The following CD34 variants were observed in gnomAD, a reference collection of about 807,000 sequenced individuals.
CD34 encodes the protein CD34 molecule, also known as hematopoietic progenitor cell antigen CD34.
In CD34, 34 loss-of-function variants were observed where a neutral mutation model predicts 40.1. The ratio of observed to expected loss-of-function variants is 0.85; its 90% confidence interval spans 0.65 to 1.13. The LOEUF is 1.13. CD34 is among the 50% of genes most tolerant of loss of function. The probability of loss-of-function intolerance (pLI) is 0.00; values close to 1 mark genes in which losing one functional copy is unlikely to be tolerated. For missense variants in CD34, 426 were observed against 466.9 expected (o/e 0.91, Z 0.81); for synonymous variants, 209 against 190.0 (o/e 1.10, Z -0.82).
intron 1 of CD34, among the ~76,000 whole-genome samples, chr1:207,908,378 C>T (rs1662430795): frequency 6.6e-6 from 1 of 152,250 alleles, no homozygotes; most frequent in African/African-American, 2.4e-5. Flanking sequence ...CTGGGGACCA[C>T]TGAATTAGTC....
At chr1:207,896,187 A>G (rs773576152) in intron 4 of CD34, among the ~76,000 whole-genome samples, 1 of 152,244 alleles carries the variant, frequency 6.6e-6, no homozygotes, top group Non-Finnish European at 1.5e-5. Flanking sequence ...TGATTCCCTT[A>G]GATGGATCCC....
At chr1:207,905,526 C>T (rs1226407883) in intron 1 of CD34, among the ~76,000 whole-genome samples, 1 of 152,206 alleles carries the variant, frequency 6.6e-6, no homozygotes, top group Non-Finnish European at 1.5e-5. Context: ...ACAATATTTA[C>T]TCTCTGGCCC....
At chr1:207,893,929 T>C (rs1662086726) in intron 4 of CD34, among the ~76,000 whole-genome samples, 1 of 152,050 alleles carries the variant, frequency 6.6e-6, no homozygotes, top group Non-Finnish European at 1.5e-5. Context: ...TAACACGTGT[T>C]GATGAGGATG....
rs751175416 is a variant in CD34, at chr1:207,911,107, G to C, written c.-27C>G. On this transcript the variant is annotated 5_prime_UTR_variant, in exon 1 of 8. Coordinates refer to ENST00000310833, the MANE Select transcript of CD34 (RefSeq NM_001025109.2). ...CTTCCCGCGCGGCTCCTAGAGAGAC[G>C]CACCGAGTGGAAGACACTACTCGGC... 1 of 1,552,412 alleles carries C rather than the reference G, an allele frequency of 6.4e-7. No homozygotes were observed. Among genetic ancestry groups the C allele is most frequent in the African/African-American group, 1.4e-5 (1 of 73,358 alleles).
intron 1 of CD34, 64 bp from the exon 2 acceptor site, chr1:207,900,067 G>A: frequency 1.6e-6 from 2 of 1,274,484 alleles, no homozygotes; most frequent in Admixed American, 4.7e-5. Flanking sequence ...ATCACCTGAT[G>A]CAATTTCCTG....
At chr1:207,906,486 T>C (rs769199727) in intron 1 of CD34, among the ~76,000 whole-genome samples, 99 of 152,276 alleles carry the variant, frequency 6.5e-4, no homozygotes, top group Non-Finnish European at 1.2e-3. Context: ...GGTGTGAGTA[T>C]ATATAAACCA....
chr1:207,899,493 C>A (rs1662225601), intron 2 of CD34, among the ~76,000 whole-genome samples: 1 of 152,140 alleles, frequency 6.6e-6, no homozygotes, highest in African/African-American at 2.4e-5. Flanking sequence ...CCTGTACCCA[C>A]CTTCTTTCCT....
intron 7 of CD34, 64 bp from the exon 8 acceptor site, chr1:207,887,987 G>A (rs1426903777): frequency 6.4e-7 from 1 of 1,569,954 alleles, no homozygotes; most frequent in Non-Finnish European, 8.6e-7. Flanking sequence ...CTGGATGGGA[G>A]AGGGGCCCAA....
At chr1:207,906,248 C>A (rs1016083004) in intron 1 of CD34, among the ~76,000 whole-genome samples, 3 of 152,106 alleles carry the variant, frequency 2.0e-5, no homozygotes, top group Non-Finnish European at 4.4e-5. Context: ...TATGGGAAGG[C>A]CAATTTCACT....
At chr1:207,891,057 G>A (rs1662022343) in intron 4 of CD34, among the ~76,000 whole-genome samples, 1 of 152,074 alleles carries the variant, frequency 6.6e-6, no homozygotes, top group South Asian at 2.1e-4. Flanking sequence ...TCTGGATGAG[G>A]AGGAGGGGGT....
At chr1:207,898,759 C>T (rs558326436) in intron 3 of CD34, among the ~76,000 whole-genome samples, 1 of 152,294 alleles carries the variant, frequency 6.6e-6, no homozygotes, top group South Asian at 2.1e-4. Context: ...AATGCAATAC[C>T]CAAAGCCTGG....
In CD34 at chr1:207,899,857, A is replaced by T. The variant is rs757295859; in HGVS notation, c.226T>A (p.Ser76Thr). 1 of 1,612,988 alleles carries T rather than the reference A, an allele frequency of 6.2e-7. No individual in the cohort carries two copies. The highest frequency in any genetic ancestry group is 8.5e-7 in the Non-Finnish European group (1 of 1,179,612). Residue 76 changes from serine (S) to threonine (T), a missense_variant, in exon 2 of 8, where the codon TCT becomes ACT. Physicochemically the swap from Ser to Thr is moderately conservative, Grantham distance 58. Transcript: ENST00000310833. ...TLGSTSLHPVSQHGNEATTNI... is the reference protein window; with the variant it reads ...TLGSTSLHPVTQHGNEATTNI... ...GTTGTGGCCTCATTGCCATGTTGAG[A>T]CACAGGGTGCAGGCTGGTACTTCCA...
In CD34 at chr1:207,898,726, C is replaced by T. The variant is rs112962624; in HGVS notation, c.516+247G>A. Among the ~76,000 whole-genome samples, 91 of 152,320 alleles carry T rather than the reference C, an allele frequency of 6.0e-4. 1 individual carries two copies. The highest frequency in any genetic ancestry group is 1.8e-3 in the African/African-American group (74 of 41,572). ...GAGGATTGGATGGATCTCTGAGAAT[C>T]CCGTTTACTCTCTATTCCCTAAAAT... On this transcript the variant is annotated intron_variant, in intron 3 of 7. Coordinates refer to ENST00000310833, the MANE Select transcript of CD34 (RefSeq NM_001025109.2).
At chr1:207,909,259 C>T (rs985794592) in intron 1 of CD34, among the ~76,000 whole-genome samples, 1 of 152,144 alleles carries the variant, frequency 6.6e-6, no homozygotes. Flanking sequence ...GCGAGACTGG[C>T]ACTTACCAGC....
At chr1:207,900,885 A>G (rs558180836) in intron 1 of CD34, among the ~76,000 whole-genome samples, 21 of 152,354 alleles carry the variant, frequency 1.4e-4, no homozygotes, top group Non-Finnish European at 2.5e-4. Flanking sequence ...CAATGAGATA[A>G]CAAATGCTAA....
At chr1:207,908,181 T>C (rs1662423924) in intron 1 of CD34, among the ~76,000 whole-genome samples, 1 of 152,192 alleles carries the variant, frequency 6.6e-6, no homozygotes, top group African/African-American at 2.4e-5. Context: ...CCTAAGCTTT[T>C]TGAGACAAAG....
At chr1:207,907,173 C>T (rs1021002005) in intron 1 of CD34, among the ~76,000 whole-genome samples, 3 of 152,096 alleles carry the variant, frequency 2.0e-5, no homozygotes, top group African/African-American at 7.2e-5. Flanking sequence ...ACAGGGCAGC[C>T]CAGGGGAGAC....
In CD34 at chr1:207,906,844, CAAATAAAT is replaced by C. The variant is rs10687613; in HGVS notation, c.79+4150_79+4157del. ...GAGCAACAAGAGAGAAACTTCTTCT[CAAATAAAT>C]AAATAAATAAATAAATAAATAAAAT... On this transcript the variant is annotated intron_variant, in intron 1 of 7. Transcript: ENST00000310833. 3.0e-3 allele frequency among the ~76,000 whole-genome samples: 453 copies of C among 148,610 alleles called. 2 individuals carry two copies. The highest frequency in any genetic ancestry group is 0.01 in the African/African-American group (413 of 40,540).
At chr1:207,896,172 A>T (rs938575339) in intron 4 of CD34, among the ~76,000 whole-genome samples, 2 of 152,358 alleles carry the variant, frequency 1.3e-5, no homozygotes, top group Admixed American at 1.3e-4. Flanking sequence ...AGCACATCAC[A>T]TATGTGATTC....
Sources: allele counts gnomAD v4.1 joint callset (sites outside exome capture counted in the v4.1 genomes callset), GRCh38; gene constraint gnomAD v4.1.1; transcripts MANE v1.5; gene names NCBI Gene and HGNC (gene_info 2026-07-23, HGNC 2026-07-21).